Variants in ANO6 observed in about 807,000 individuals in gnomAD.
ANO6 encodes the protein anoctamin-6.
A neutral mutation model predicts 117.5 loss-of-function variants in ANO6; 106 were observed. That is an observed-to-expected ratio of 0.90 (90% confidence interval 0.77 to 1.06). The LOEUF (loss-of-function observed/expected upper bound fraction) is 1.06, where lower values mean the gene tolerates loss of function less well. ANO6 is among the 50% of genes least tolerant of loss of function. The probability of loss-of-function intolerance (pLI) is 0.00; values close to 1 mark genes in which losing one functional copy is unlikely to be tolerated. For synonymous variants in ANO6, 367 were observed against 385.1 expected, an observed-to-expected ratio of 0.95 and a Z score of 0.55; for missense variants, 955 against 1,121.1, an observed-to-expected ratio of 0.85 and a Z score of 2.12.
intron 19 of ANO6, among the ~76,000 whole-genome samples, chr12:45,427,447 G>A (rs1943530510): frequency 6.6e-6 from 1 of 152,090 alleles, no homozygotes; most frequent in Non-Finnish European, 1.5e-5. Context: ...TACCTAGAAT[G>A]TCTTTTCTTC....
chr12:45,317,113 G>GTGTGTGTATATATATGTATATATATA, intron 2 of ANO6, among the ~76,000 whole-genome samples: 1 of 66,448 alleles, frequency 1.5e-5, no homozygotes, highest in South Asian at 5.8e-4. Flanking sequence ...CTTTTTATAT[G>GTGTGTGTATATATATGTATATATATA]TATATATATA....
intron 1 of ANO6, chr12:45,228,093 C>G (rs538745031): frequency 2.6e-6 from 1 of 384,766 alleles, no homozygotes; most frequent in African/African-American, 2.2e-5. Context: ...GTCCCTGTGG[C>G]CTATCCTATT....
chr12:45,372,762 A>C (rs1368673000), intron 9 of ANO6, among the ~76,000 whole-genome samples: 2 of 152,246 alleles, frequency 1.3e-5, no homozygotes, highest in Non-Finnish European at 2.9e-5. Context: ...AAATCATGCC[A>C]AAATGTAAAG....
At position 45,348,268 on chromosome 12, in the gene ANO6, A is replaced by T; in HGVS notation, c.586A>T (p.Ile196Leu). ...FEKNRMNDFY[I>L]VDRDAFFNPA... ...GAAGAACCGGATGAATGATTTTTAC[A>T]TAGTTGATAGAGATGCTTTCTTCAA... Residue 196 changes from isoleucine (I) to leucine (L), a missense_variant, in exon 5 of 20, where the codon ATA becomes TTA. Ile to Leu is a conservative substitution (Grantham distance 5). Coordinates refer to ENST00000320560, the MANE Select transcript of ANO6 (RefSeq NM_001025356.3). 1 of 1,614,070 alleles carries T rather than the reference A, an allele frequency of 6.2e-7. No individual in the cohort carries two copies. Among genetic ancestry groups the T allele is most frequent in the East Asian group, 2.2e-5 (1 of 44,874 alleles).
chr12:45,420,257 G>A (rs1242024211), intron 17 of ANO6, among the ~76,000 whole-genome samples: 1 of 152,108 alleles, frequency 6.6e-6, no homozygotes, highest in Non-Finnish European at 1.5e-5. Flanking sequence ...TACCTTCTGT[G>A]TTTATGAAAA....
At chr12:45,282,910 C>T (rs1938788430) in intron 1 of ANO6, among the ~76,000 whole-genome samples, 1 of 152,142 alleles carries the variant, frequency 6.6e-6, no homozygotes, top group African/African-American at 2.4e-5. Flanking sequence ...TGTACATGTG[C>T]TATTGCTCGC....
At position 45,431,583 on chromosome 12, in the gene ANO6, ACT is replaced by A. The variant is rs1943634034; in HGVS notation, c.*2273_*2274del. 1.0e-5 allele frequency: 10 copies of A among 985,470 alleles called. No homozygotes were observed. Among genetic ancestry groups the A allele is most frequent in the Non-Finnish European group, 1.2e-5 (10 of 829,936 alleles). 61.0% of individuals were successfully genotyped at this position (985,470 alleles called of 1,614,324 possible). On this transcript the variant is annotated 3_prime_UTR_variant, in exon 20 of 20. Coordinates refer to ENST00000320560, the MANE Select transcript of ANO6 (RefSeq NM_001025356.3). Reference sequence around the variant, plus strand: ...AAAGGCACCAAATGTAATATCTGACACTGTTAAGATGCCCAAAAGAGCAAAGT... The same window carrying A: ...AAAGGCACCAAATGTAATATCTGACAGTTAAGATGCCCAAAAGAGCAAAGT...
rs4108250 is a variant in ANO6, at chr12:45,350,652, G to A, written c.748-7G>A. On this transcript the variant is annotated splice_region_variant and splice_polypyrimidine_tract_variant and intron_variant, in intron 6 of 19. Transcript: ENST00000320560. Reference sequence around the variant, plus strand: ...ATGGTGCTTACATGTTCCCTTCTGCGTCACAGTGCAAATTCCGCCGTCAGT... The same window carrying A: ...ATGGTGCTTACATGTTCCCTTCTGCATCACAGTGCAAATTCCGCCGTCAGT... The A allele has an allele frequency of 7.4e-3, 11,881 of 1,610,230 alleles. 480 individuals carry two copies. The African/African-American group carries it at 0.11, about 15-fold the overall frequency.
chr12:45,376,462 A>C (rs1942022551), intron 9 of ANO6, among the ~76,000 whole-genome samples: 1 of 130,822 alleles, frequency 7.6e-6, no homozygotes, highest in African/African-American at 3.1e-5. Context: ...CAAATGTCCA[A>C]CAATGATAGA....
chr12:45,217,333 A>G (rs548717366), intron 1 of ANO6, among the ~76,000 whole-genome samples: 63 of 152,298 alleles, frequency 4.1e-4, no homozygotes, highest in Admixed American at 5.9e-4. Flanking sequence ...TGCCAAATCA[A>G]TTTTAAAGCA....
intron 1 of ANO6, among the ~76,000 whole-genome samples, chr12:45,286,686 T>TTAAG (rs756678186): frequency 2.4e-4 from 36 of 152,362 alleles, no homozygotes; most frequent in Middle Eastern, 3.4e-3. Context: ...TCAGGCAGGA[T>TTAAG]TAAGCATAAC....
intron 9 of ANO6, among the ~76,000 whole-genome samples, chr12:45,374,684 G>T (rs1371167127): frequency 7.3e-6 from 1 of 136,424 alleles, no homozygotes; most frequent in African/African-American, 2.8e-5. Context: ...CAATAAATTA[G>T]GTATTGATGG....
At chr12:45,397,442 G>A (rs985884598) in intron 12 of ANO6, among the ~76,000 whole-genome samples, 1 of 152,170 alleles carries the variant, frequency 6.6e-6, no homozygotes, top group Non-Finnish European at 1.5e-5. Context: ...CCTCAAGGAT[G>A]TAGAACTAGA....
downstream of ANO6, among the ~76,000 whole-genome samples, chr12:45,434,550 C>A (rs1943685980): frequency 1.3e-5 from 2 of 152,194 alleles, no homozygotes; most frequent in African/African-American, 4.8e-5. Flanking sequence ...AATCTTACAG[C>A]AACCCTTTTC....
At chr12:45,287,917 A>C (rs1938968932) in intron 1 of ANO6, among the ~76,000 whole-genome samples, 1 of 152,224 alleles carries the variant, frequency 6.6e-6, no homozygotes, top group Non-Finnish European at 1.5e-5. Flanking sequence ...GTCTTAGATC[A>C]TATAAAACAT....
chr12:45,367,107 G>GAGT (rs1941705553), intron 8 of ANO6, among the ~76,000 whole-genome samples: 1 of 152,088 alleles, frequency 6.6e-6, no homozygotes, highest in Non-Finnish European at 1.5e-5. Context: ...TCAGCTTCTC[G>GAGT]AGTAGCTGGG....
intron 7 of ANO6, 30 bp downstream of exon 7, chr12:45,350,804 G>GTA: frequency 6.4e-7 from 1 of 1,564,166 alleles, no homozygotes; most frequent in Non-Finnish European, 8.8e-7. Flanking sequence ...ACTCCAGGGG[G>GTA]AGGCACTCAG....
intron 12 of ANO6, among the ~76,000 whole-genome samples, chr12:45,400,355 TTTTAA>T (rs1389867845): frequency 1.3e-5 from 2 of 152,336 alleles, no homozygotes; most frequent in Admixed American, 6.5e-5. Flanking sequence ...TGATTCATCT[TTTTAA>T]TTTTTCTCAG....
intron 3 of ANO6, among the ~76,000 whole-genome samples, chr12:45,343,290 C>G (rs1476017056): frequency 6.6e-6 from 1 of 152,148 alleles, no homozygotes. Flanking sequence ...GACTGATTCT[C>G]CTACTCTTCT....
Sources: allele counts gnomAD v4.1 joint callset (sites outside exome capture counted in the v4.1 genomes callset), GRCh38; gene constraint gnomAD v4.1.1; transcripts MANE v1.5; gene names NCBI Gene and HGNC (gene_info 2026-07-23, HGNC 2026-07-21).